The following MTUS1 variants were observed in gnomAD, a reference collection of about 807,000 sequenced individuals.
MTUS1 encodes the protein microtubule-associated tumor suppressor 1.
In MTUS1, 109 loss-of-function variants were observed where a neutral mutation model predicts 120.8. The ratio of observed to expected loss-of-function variants is 0.90; its 90% CI spans 0.77 to 1.06. MTUS1 has a LOEUF of 1.06. Ranked by LOEUF, MTUS1 falls within the 50% of genes least tolerant of loss-of-function variation. The pLI is 0.00. For synonymous variants in MTUS1, 737 were observed against 550.5 expected (o/e 1.34, Z -4.74); for missense variants, 2,210 against 1,486.3 (o/e 1.49, Z -8.01).
rs552937178 is a variant in MTUS1 at position 17,684,978 on chromosome 8, A to G, written c.2624-436T>C. Among the ~76,000 whole-genome samples the G allele has an allele frequency of 2.0e-5, 3 of 152,040 alleles. No homozygotes were observed. In the South Asian group the frequency reaches 6.2e-4, roughly 32 times the overall value. On this transcript the variant is annotated intron_variant, in intron 6 of 14. Transcript: ENST00000693296. Reference sequence around the variant, plus strand: ...TAAATGCCTTTCTCTCCTCCCATACATTTTCTACAAATCTTTTACCTTTTC... The same window carrying G: ...TAAATGCCTTTCTCTCCTCCCATACGTTTTCTACAAATCTTTTACCTTTTC...
Position 17,674,688 on chromosome 8 carries a change from C to T in MTUS1, c.2905+498G>A, listed in dbSNP as rs564237863. ...AGCGGGGAGGTGGTGAACCATCAGC[C>T]CCCCTCCAAATAGTAAGATTAGCAT... On this transcript the variant is annotated intron_variant, in intron 8 of 14. Coordinates refer to ENST00000693296, the MANE Select transcript of MTUS1 (RefSeq NM_001363059.2). The T allele has an allele frequency of 1.8e-5, 18 of 987,358 alleles. 1 individual carries two copies. The South Asian group carries it at 7.9e-4, about 44-fold the overall frequency. 61.2% of individuals were successfully genotyped at this position (987,358 alleles called of 1,614,324 possible).
intron 3 of MTUS1, among the ~76,000 whole-genome samples, chr8:17,736,821 G>A (rs1415778893): frequency 6.6e-6 from 1 of 152,164 alleles, no homozygotes; most frequent in Non-Finnish European, 1.5e-5. Flanking sequence ...CTGACCTCAA[G>A]TGATCCATCT....
chr8:17,702,635 C>A (rs983032713), intron 6 of MTUS1, among the ~76,000 whole-genome samples: 1 of 152,184 alleles, frequency 6.6e-6, no homozygotes, highest in African/African-American at 2.4e-5. Flanking sequence ...AGTATTTGCC[C>A]CATGACTGGT....
intron 1 of MTUS1, among the ~76,000 whole-genome samples, chr8:17,799,853 A>G (rs2052538557): frequency 6.6e-6 from 1 of 152,168 alleles, no homozygotes; most frequent in African/African-American, 2.4e-5. Flanking sequence ...TTCCACTTCT[A>G]AGGTTTTTTA....
rs148554995 is a variant in MTUS1 at position 17,718,299 on chromosome 8, C to T, written c.2450-2398G>A. Among the ~76,000 whole-genome samples the T allele has an allele frequency of 3.3e-3, 500 of 152,274 alleles. 5 individuals are homozygous for T. Among genetic ancestry groups the T allele is most frequent in the African/African-American group, 0.012 (490 of 41,550 alleles). On this transcript the variant is annotated intron_variant, in intron 4 of 14. Coordinates refer to ENST00000693296, the MANE Select transcript of MTUS1 (RefSeq NM_001363059.2). Reference sequence around the variant, plus strand: ...GTCATTATATCCAAACAATAAAGTCCTCAGCGGCAACAATTCCAATATAAG... The same window carrying T: ...GTCATTATATCCAAACAATAAAGTCTTCAGCGGCAACAATTCCAATATAAG...
chr8:17,799,804 G>C (rs188061347), intron 1 of MTUS1, among the ~76,000 whole-genome samples: 4 of 152,086 alleles, frequency 2.6e-5, no homozygotes, highest in Admixed American at 6.6e-5. Context: ...AAAACGTGGT[G>C]CAAGTTACAT....
intron 8 of MTUS1, chr8:17,674,665 C>A (rs1008747097): frequency 1.0e-6 from 1 of 986,740 alleles, no homozygotes; most frequent in African/African-American, 1.7e-5. Context: ...CCCTGTGGAG[C>A]GGGGAGGTGG....
intron 6 of MTUS1, among the ~76,000 whole-genome samples, chr8:17,692,626 C>T (rs1490027338): frequency 6.6e-6 from 1 of 152,168 alleles, no homozygotes; most frequent in Non-Finnish European, 1.5e-5. Context: ...AAACGGTTCT[C>T]TTCACGAACA....
intron 5 of MTUS1, among the ~76,000 whole-genome samples, chr8:17,713,731 G>A (rs1386725358): frequency 6.6e-6 from 1 of 152,158 alleles, no homozygotes; most frequent in Non-Finnish European, 1.5e-5. Flanking sequence ...ATCAGGAGGG[G>A]TAATAGGTAC....
intron 1 of MTUS1, among the ~76,000 whole-genome samples, chr8:17,761,867 ATAG>A (rs1377376143): frequency 9.2e-5 from 14 of 152,230 alleles, no homozygotes; most frequent in African/African-American, 3.4e-4. Flanking sequence ...ACAAATCACA[ATAG>A]TAGTTTAGCT....
intron 3 of MTUS1, among the ~76,000 whole-genome samples, chr8:17,732,505 T>TA (rs1327596553): frequency 6.6e-6 from 1 of 152,216 alleles, no homozygotes; most frequent in Non-Finnish European, 1.5e-5. Context: ...TCTCTACACT[T>TA]ACTGCCGTGG....
chr8:17,799,500 T>C (rs574315927), intron 1 of MTUS1, among the ~76,000 whole-genome samples: 3 of 152,306 alleles, frequency 2.0e-5, no homozygotes, highest in South Asian at 4.1e-4. Flanking sequence ...TTTCTCAATC[T>C]ACCTATTTTT....
chr8:17,730,863 G>T (rs1335716366), intron 3 of MTUS1, among the ~76,000 whole-genome samples: 2 of 152,222 alleles, frequency 1.3e-5, no homozygotes, highest in African/African-American at 4.8e-5. Flanking sequence ...GGATTTCAGG[G>T]GGGAAAACAA....
At chr8:17,663,478 A>C (rs1489624594) in intron 8 of MTUS1, among the ~76,000 whole-genome samples, 1 of 152,252 alleles carries the variant, frequency 6.6e-6, no homozygotes, top group Non-Finnish European at 1.5e-5. Context: ...AAGAACATAA[A>C]TAAATGTCCT....
chr8:17,746,106 C>T (rs2047721740), intron 2 of MTUS1, among the ~76,000 whole-genome samples: 1 of 152,208 alleles, frequency 6.6e-6, no homozygotes, highest in Non-Finnish European at 1.5e-5. Flanking sequence ...ATTACCCAGT[C>T]TCAGGTAGTT....
chr8:17,652,006 G>A (rs1243726512), intron 12 of MTUS1, among the ~76,000 whole-genome samples: 2 of 152,118 alleles, frequency 1.3e-5, no homozygotes, highest in Admixed American at 6.5e-5. Context: ...TAGCTAGAGG[G>A]TCTCCCAATG....
chr8:17,709,557 T>C (rs1189588139), intron 6 of MTUS1, among the ~76,000 whole-genome samples: 1 of 152,112 alleles, frequency 6.6e-6, no homozygotes, highest in Admixed American at 6.6e-5. Flanking sequence ...CAACATTCTG[T>C]AACATTACAT....
At chr8:17,761,562 G>C (rs1290662725) in intron 1 of MTUS1, among the ~76,000 whole-genome samples, 1 of 152,170 alleles carries the variant, frequency 6.6e-6, no homozygotes, top group Non-Finnish European at 1.5e-5. Context: ...GCTTATATAA[G>C]AGTAGATGTC....
intron 6 of MTUS1, among the ~76,000 whole-genome samples, chr8:17,707,187 C>G (rs917097079): frequency 6.6e-6 from 1 of 152,158 alleles, no homozygotes; most frequent in African/African-American, 2.4e-5. Context: ...GATTTTCAGT[C>G]ACAGAATATC....
Sources: allele counts gnomAD v4.1 joint callset (sites outside exome capture counted in the v4.1 genomes callset), GRCh38; gene constraint gnomAD v4.1.1; transcripts MANE v1.5; gene names NCBI Gene and HGNC (gene_info 2026-07-23, HGNC 2026-07-21).